The following ZNF608 variants were observed in gnomAD, a reference collection of about 807,000 sequenced individuals.
ZNF608 encodes zinc finger protein 608.
ZNF608 carries 12 observed loss-of-function variants against 109.0 expected under a neutral mutation model. That is an observed-to-expected ratio of 0.11 (90% CI 0.07 to 0.18). The LOEUF (loss-of-function observed/expected upper bound fraction) is 0.18, where lower values mean the gene tolerates loss of function less well. Among genes scored for constraint, ZNF608 ranks in the 10% least tolerant of loss-of-function variants. The pLI is 1.00. For missense variants in ZNF608, 1,707 were observed against 1,879.3 expected, an observed-to-expected ratio of 0.91 and a Z score of 1.70; for synonymous variants, 732 against 717.4, an observed-to-expected ratio of 1.02 and a Z score of -0.33.
In ZNF608 at chr5:124,746,210, C is replaced by T; in HGVS notation, c.-199G>A. 1.0e-6 allele frequency: 1 copy of T among 985,402 alleles called. No individual in the cohort carries two copies. The highest frequency in any genetic ancestry group is 1.2e-6 in the Non-Finnish European group (1 of 829,918). 61.0% of individuals were successfully genotyped at this position (985,402 alleles called of 1,614,324 possible). A position where few individuals can be genotyped will look rare whatever the true frequency, so the allele number is the denominator to read the frequency against. On this transcript the variant is annotated 5_prime_UTR_variant, in exon 1 of 10. It removes an upstream start codon present in the reference 5' UTR. Coordinates refer to ENST00000513986, the MANE Select transcript of ZNF608 (RefSeq NM_020747.3). ...CATTGCTTACCTTTTAATCCTTTAT[C>T]ATTTTTTAATTAGGCCAGCAAATCA... is the stretch of plus-strand genomic sequence containing the variant.
chr5:124,639,530 G>A (rs1561526085), intron 8 of ZNF608, among the ~76,000 whole-genome samples: 1 of 152,176 alleles, frequency 6.6e-6, no homozygotes, highest in Non-Finnish European at 1.5e-5. Context: ...CAGATACCAG[G>A]TAACAACAGG....
In ZNF608 at chr5:124,644,528, C is replaced by G; in HGVS notation, c.3839G>C (p.Gly1280Ala). The G allele has an allele frequency of 6.2e-7, 1 of 1,614,162 alleles. No individual in the cohort carries two copies. The highest frequency in any genetic ancestry group is 8.5e-7 in the Non-Finnish European group (1 of 1,180,034). Residue 1280 changes from glycine to alanine, a missense_variant, in exon 6 of 10, where the codon GGT becomes GCT. Gly to Ala is a moderately conservative substitution (Grantham distance 60). Coordinates refer to ENST00000513986, the MANE Select transcript of ZNF608 (RefSeq NM_020747.3). ...TAACGATACAGGAAGGCTGGGCACA[C>G]CACTCTCTTTATTAGGAGTTTTCCT... ...SPRKTPNKES[G>A]VPSLPVSLTS... is the part of the protein sequence containing the mutation.
At chr5:124,653,135 T>C (rs564854897) in intron 3 of ZNF608, among the ~76,000 whole-genome samples, 2 of 152,344 alleles carry the variant, frequency 1.3e-5, no homozygotes, top group East Asian at 3.9e-4. Flanking sequence ...AAAGTAAGAA[T>C]ACAGCTGAAG....
intron 2 of ZNF608, among the ~76,000 whole-genome samples, chr5:124,729,878 A>C (rs1748814997): frequency 6.6e-6 from 1 of 152,228 alleles, no homozygotes; most frequent in Non-Finnish European, 1.5e-5. Flanking sequence ...TGCTATGCTC[A>C]GTGCTAGGAT....
chr5:124,720,504 T>C (rs1753860631), intron 2 of ZNF608, among the ~76,000 whole-genome samples: 1 of 152,222 alleles, frequency 6.6e-6, no homozygotes, highest in Admixed American at 6.5e-5. Context: ...CCGGAATTCA[T>C]TCAGGTGAAA....
At chr5:124,748,333 C>G (rs569643666), upstream of ZNF608, among the ~76,000 whole-genome samples, 4 of 152,312 alleles carry the variant, frequency 2.6e-5, no homozygotes, top group African/African-American at 9.6e-5. Flanking sequence ...CCCCGAGTGC[C>G]CAGTCAAGCT....
chr5:124,691,866 A>G (rs1752642557), intron 3 of ZNF608, among the ~76,000 whole-genome samples: 1 of 152,226 alleles, frequency 6.6e-6, no homozygotes, highest in African/African-American at 2.4e-5. Flanking sequence ...GTTCAAGATA[A>G]CTAAGTTCTA....
intron 9 of ZNF608, chr5:124,638,887 C>A: frequency 2.0e-6 from 2 of 978,540 alleles, no homozygotes; most frequent in Non-Finnish European, 2.7e-6. Context: ...TAAGGATAAC[C>A]CAAGAAAATT....
At chr5:124,682,653 T>C (rs1752243840) in intron 3 of ZNF608, among the ~76,000 whole-genome samples, 1 of 152,242 alleles carries the variant, frequency 6.6e-6, no homozygotes. Flanking sequence ...AGAAGCAATT[T>C]ATAATTCTGG....
Position 124,637,464 on chromosome 5 carries a change from G to A in ZNF608, c.*436C>T, listed in dbSNP as rs1377373901. ...GGGAAATATGTGAAGGATATGCAAGGTTCAGGCACACTGATACATAACATT... is the reference window on the plus strand; with the variant it reads ...GGGAAATATGTGAAGGATATGCAAGATTCAGGCACACTGATACATAACATT... On this transcript the variant is annotated 3_prime_UTR_variant, in exon 10 of 10. Coordinates refer to ENST00000513986, the MANE Select transcript of ZNF608 (RefSeq NM_020747.3). 1 of 152,494 alleles carries A rather than the reference G, an allele frequency of 6.6e-6. No homozygotes were observed. The highest frequency in any genetic ancestry group is 1.5e-5 in the Non-Finnish European group (1 of 68,034). 9.4% of individuals were successfully genotyped at this position (152,494 alleles called of 1,614,324 possible). A position where few individuals can be genotyped will look rare whatever the true frequency, so the allele number is the denominator to read the frequency against.
intron 3 of ZNF608, among the ~76,000 whole-genome samples, chr5:124,671,641 C>CTTTTTTT (rs66998925): frequency 7.7e-6 from 1 of 129,758 alleles, no homozygotes. Flanking sequence ...TGGGGCTTCT[C>CTTTTTTT]TTTTTTTTTT....
Position 124,648,748 on chromosome 5 carries a change from C to T in ZNF608, c.1636G>A (p.Gly546Ser). Residue 546 changes from glycine (G) to serine (S), a missense_variant, in exon 5 of 10, where the codon GGC (glycine) becomes AGC (serine). By Grantham distance (56) the Gly-to-Ser change is moderately conservative. Coordinates refer to ENST00000513986, the MANE Select transcript of ZNF608 (RefSeq NM_020747.3). ...GKPETTFLDQ[G>S]CSSPVLIDCP... Reference sequence around the variant, plus strand: ...TCGATTAACACTGGAGAAGAGCAGCCTTGGTCCAAAAAAGTAGTCTCTGGT... The same window carrying T: ...TCGATTAACACTGGAGAAGAGCAGCTTTGGTCCAAAAAAGTAGTCTCTGGT... 1 of 1,614,174 alleles carries T rather than the reference C, an allele frequency of 6.2e-7. No homozygotes were observed. Among genetic ancestry groups the T allele is most frequent in the Non-Finnish European group, 8.5e-7 (1 of 1,180,018 alleles).
At chr5:124,695,046 C>T (rs145791579) in intron 3 of ZNF608, among the ~76,000 whole-genome samples, 1 of 152,232 alleles carries the variant, frequency 6.6e-6, no homozygotes, top group Non-Finnish European at 1.5e-5. Flanking sequence ...ATTAAACAAC[C>T]ATGCTCACCT....
chr5:124,677,189 A>G (rs184068148), intron 3 of ZNF608, among the ~76,000 whole-genome samples: 34 of 152,364 alleles, frequency 2.2e-4, no homozygotes, highest in African/African-American at 8.2e-4. Flanking sequence ...ATTTGTCTAT[A>G]AATTCCTTTT....
At chr5:124,666,356 T>C (rs1197605372) in intron 3 of ZNF608, 3 of 152,262 alleles carry the variant, frequency 2.0e-5, no homozygotes, top group African/African-American at 7.2e-5. Context: ...AATGCGCCAC[T>C]ACTGGATGCA....
intron 2 of ZNF608, among the ~76,000 whole-genome samples, chr5:124,706,733 G>GA (rs1391440277): frequency 2.0e-5 from 3 of 151,802 alleles, no homozygotes; most frequent in East Asian, 1.9e-4. Context: ...ATCTCCACTG[G>GA]AAAAAAAAGA....
At chr5:124,746,754 G>A, upstream of ZNF608, 13 of 985,058 alleles carry the variant, frequency 1.3e-5, no homozygotes, top group Non-Finnish European at 1.6e-5. Context: ...GCATTTTTCC[G>A]CCCGTCCTGA....
chr5:124,671,008 G>C (rs1251873114), intron 3 of ZNF608, among the ~76,000 whole-genome samples: 1 of 152,178 alleles, frequency 6.6e-6, no homozygotes, highest in Non-Finnish European at 1.5e-5. Flanking sequence ...CTGCTATTAA[G>C]CTGCTGATAG....
chr5:124,748,455 T>C, upstream of ZNF608: 2 of 793,754 alleles, frequency 2.5e-6, no homozygotes, highest in African/African-American at 1.9e-5. Flanking sequence ...CTCATTTCTA[T>C]GCATAAAACT....
Sources: gnomAD v4.1 joint callset for allele counts (sites outside exome capture counted in the v4.1 genomes callset) on GRCh38, gnomAD v4.1.1 for gene constraint, MANE v1.5 for transcripts, NCBI Gene and HGNC (gene_info 2026-07-23, HGNC 2026-07-21) for gene names.